TTYH2: variants seen among roughly 807,000 people sequenced by gnomAD.
TTYH2 encodes the protein protein tweety homolog 2.
In TTYH2, 49 loss-of-function variants were observed where a neutral mutation model predicts 68.3. The ratio of observed to expected loss-of-function variants is 0.72; its 90% CI spans 0.57 to 0.91. The LOEUF is 0.91. Among genes scored for constraint, TTYH2 ranks in the 40% least tolerant of loss-of-function variants. TTYH2 has a pLI of 0.00. For synonymous variants in TTYH2, 272 were observed against 300.8 expected (o/e 0.90, Z 0.99); for missense variants, 631 against 700.4 (o/e 0.90, Z 1.12).
In TTYH2 at chr17:74,252,217, C is replaced by T; in HGVS notation, c.1117-17C>T. On this transcript the variant is annotated splice_polypyrimidine_tract_variant and intron_variant, in intron 10 of 13. Coordinates refer to ENST00000269346, the MANE Select transcript of TTYH2 (RefSeq NM_032646.6). ...CCCCGCTCCTTCACTAGCTGCATGT[C>T]CCTCCTCTTCCTCCAGGATTATCTG... 1 of 1,611,344 alleles carries T rather than the reference C, an allele frequency of 6.2e-7. No homozygotes were observed. Among genetic ancestry groups the T allele is most frequent in the South Asian group, 1.1e-5 (1 of 91,076 alleles).
intron 4 of TTYH2, 126 bp from the exon 5 acceptor site, chr17:74,243,248 C>T: frequency 1.3e-6 from 1 of 777,592 alleles, no homozygotes; most frequent in South Asian, 1.6e-5. Context: ...TGCTTGCTGG[C>T]TCTGGGCAGC....
In TTYH2 at chr17:74,249,359, A is replaced by G; in HGVS notation, c.890A>G (p.Tyr297Cys). 6.2e-7 allele frequency: 1 copy of G among 1,613,910 alleles called. No individual in the cohort carries two copies. The highest frequency in any genetic ancestry group is 1.1e-5 in the South Asian group (1 of 91,066). Residue 297 changes from tyrosine (Y) to cysteine (C), a missense_variant, in exon 8 of 14, where the codon TAC becomes TGC. Coordinates refer to ENST00000269346, the MANE Select transcript of TTYH2 (RefSeq NM_032646.6). ...TGCCCTGCAGAGGTGACTCGCTACT[A>G]CCTGTATTGCAGCCAGAGTGGAAGC... ...GQISTEVTRY[Y>C]LYCSQSGSSP...
At chr17:74,254,375 C>CCA (rs1327415122) in intron 13 of TTYH2, among the ~76,000 whole-genome samples, 1 of 152,162 alleles carries the variant, frequency 6.6e-6, no homozygotes, top group Non-Finnish European at 1.5e-5. Context: ...TCCATGATGG[C>CCA]CAGGCTGGTC....
chr17:74,249,514 TC>T, intron 8 of TTYH2, 115 bp downstream of exon 8: 1 of 1,154,240 alleles, frequency 8.7e-7, no homozygotes, highest in South Asian at 1.3e-5. Context: ...CTCACTGTGG[TC>T]CTCTCCTTAG....
chr17:74,231,825 C>G (rs2050392568), intron 3 of TTYH2, among the ~76,000 whole-genome samples: 1 of 152,104 alleles, frequency 6.6e-6, no homozygotes, highest in Non-Finnish European at 1.5e-5. Context: ...GAGGAGGTGT[C>G]AGACTCTTAG....
At chr17:74,251,056 G>GTGTACGTGCGTGTGTC (rs2050618458) in intron 10 of TTYH2, among the ~76,000 whole-genome samples, 1 of 53,048 alleles carries the variant, frequency 1.9e-5, no homozygotes, top group Admixed American at 1.5e-4. Flanking sequence ...GCGTGTGTCT[G>GTGTACGTGCGTGTGTC]TGTGTGTGTG....
intron 6 of TTYH2, chr17:74,247,872 C>CGCGT (rs1261326469): frequency 1.3e-5 from 2 of 151,662 alleles, no homozygotes; most frequent in Non-Finnish European, 2.9e-5. Flanking sequence ...TGTGTGTGTG[C>CGCGT]GCGTGCGTGC....
chr17:74,215,888 G>A lies in TTYH2; in HGVS notation c.129+2172G>A, dbSNP rs1002868609. Among the ~76,000 whole-genome samples, 1 of 152,254 alleles carries A rather than the reference G, an allele frequency of 6.6e-6. No homozygotes were observed. The highest frequency in any genetic ancestry group is 2.4e-5 in the African/African-American group (1 of 41,468). ...TGGTAACCAAGGCAGCAGGTCTTCA[G>A]GAGAAATTGCTGGGGATTTTCTGCG... On this transcript the variant is annotated intron_variant, in intron 1 of 13. Transcript: ENST00000269346. This position sits in a 1 kb window ranked among gnomAD's most constrained non-coding sequence, Gnocchi z 4.3.
intron 12 of TTYH2, 41 bp downstream of exon 12, chr17:74,253,307 G>A (rs745758817): frequency 1.3e-5 from 20 of 1,526,672 alleles, no homozygotes; most frequent in South Asian, 7.7e-5. Context: ...AGCACTGCCC[G>A]GACAGCATGT....
rs1384762032 is a variant in TTYH2 at position 74,237,419 on chromosome 17, CGTT to C, written c.547_549del (p.Val183del). 2.5e-6 allele frequency: 4 copies of C among 1,614,138 alleles called. No homozygotes were observed. Among genetic ancestry groups the C allele is most frequent in the South Asian group, 1.1e-5 (1 of 91,084 alleles). On this transcript the variant is annotated inframe_deletion, in exon 4 of 14. Transcript: ENST00000269346. ...AGTTCATACAGCAGATGGCGGGCAG[CGTT>C]GTTGTTCAGCTCTCAGGACTGCCCG...
At chr17:74,237,260 A>C (rs1424714517) in intron 3 of TTYH2, 34 bp from the exon 4 acceptor site, 1 of 1,604,502 alleles carries the variant, frequency 6.2e-7, no homozygotes, top group Admixed American at 1.7e-5. Context: ...CAGAAGCTCT[A>C]CCTCCATGGC....
At position 74,243,436 on chromosome 17, in the gene TTYH2, G is replaced by C. The variant is rs781102506; in HGVS notation, c.698G>C (p.Gly233Ala). 27 of 1,614,058 alleles carry C rather than the reference G, an allele frequency of 1.7e-5. No homozygotes were observed. Among genetic ancestry groups the C allele is most frequent in the Non-Finnish European group, 2.1e-5 (25 of 1,180,038 alleles). Residue 233 changes from glycine (G) to alanine (A), a missense_variant, in exon 5 of 14, where the codon GGA becomes GCA. Physicochemically the swap from Gly to Ala is moderately conservative, Grantham distance 60. Coordinates refer to ENST00000269346, the MANE Select transcript of TTYH2 (RefSeq NM_032646.6). The stretch of plus-strand genomic sequence containing the variant: ...GTCATCTGCCTCATTGCCTGCCTGG[G>C]ACTGGCCAAGCGCTCCAAGTGTCTC... ...DLVICLIACL[G>A]LAKRSKCLLA...
chr17:74,221,466 A>G (rs1389368047), intron 1 of TTYH2, among the ~76,000 whole-genome samples: 2 of 152,130 alleles, frequency 1.3e-5, no homozygotes, highest in Admixed American at 6.5e-5. Context: ...TCCCTGAAAC[A>G]GGCTTTCCCC....
intron 2 of TTYH2, among the ~76,000 whole-genome samples, chr17:74,224,872 G>GCCTGTAACCTCAGCTACAC (rs1286104266): frequency 6.6e-6 from 1 of 152,120 alleles, no homozygotes; most frequent in Non-Finnish European, 1.5e-5. Flanking sequence ...GGTGGCGAGT[G>GCCTGTAACCTCAGCTACAC]CCTGTAACCT....
chr17:74,260,843 G>C lies in TTYH2; in HGVS notation c.*634G>C, dbSNP rs1176054655. On this transcript the variant is annotated 3_prime_UTR_variant, in exon 14 of 14. Transcript: ENST00000269346. ...GGGGCTGGTGGCTCCGGGGCTGGGG[G>C]ATCACAGGCTGGTGAACCCCGGTGG... is the stretch of plus-strand genomic sequence containing the variant. 1 of 153,938 alleles carries C rather than the reference G, an allele frequency of 6.5e-6. No homozygotes were observed. The allele number at this position is 153,938 out of a possible 1,614,324, so 9.5% of individuals were successfully genotyped here. A position where few individuals can be genotyped will look rare whatever the true frequency, so the allele number is the denominator to read the frequency against.
At position 74,222,428 on chromosome 17, in the gene TTYH2, TC is replaced by T; in HGVS notation, c.130-55del. On this transcript the variant is annotated intron_variant, in intron 1 of 13. Coordinates refer to ENST00000269346, the MANE Select transcript of TTYH2 (RefSeq NM_032646.6). The surrounding 1 kb of genome is among the most constrained non-coding windows in gnomAD (Gnocchi z 5.2). ...ACTCAGGGCCCAAGGGCAGGGCACT[TC>T]CAGAGCCCCGCACTGCAGGGATGAA... 3 of 1,527,918 alleles carry T rather than the reference TC, an allele frequency of 2.0e-6. No individual in the cohort carries two copies. In the Admixed American group the frequency reaches 5.7e-5, roughly 29 times the overall value. 94.6% of individuals were successfully genotyped at this position (1,527,918 alleles called of 1,614,324 possible).
chr17:74,243,942 CCGCCTGCCAACGTTGT>C lies in TTYH2; in HGVS notation c.732-26_732-11del. On this transcript the variant is annotated intron_variant, in intron 5 of 13. Coordinates refer to ENST00000269346, the MANE Select transcript of TTYH2 (RefSeq NM_032646.6). ...GGTGATGGCTGAGAGGAAGGGGACCCCGCCTGCCAACGTTGTCGCCTGCCTCTCTCCTAGGATGCTG... is the reference window on the plus strand; with the variant it reads ...GGTGATGGCTGAGAGGAAGGGGACCCCGCCTGCCTCTCTCCTAGGATGCTG... The C allele has an allele frequency of 6.2e-7, 1 of 1,604,032 alleles. No individual in the cohort carries two copies. Among genetic ancestry groups the C allele is most frequent in the Non-Finnish European group, 8.5e-7 (1 of 1,177,690 alleles).
chr17:74,233,899 G>A (rs1220123691), intron 3 of TTYH2, among the ~76,000 whole-genome samples: 2 of 152,160 alleles, frequency 1.3e-5, no homozygotes, highest in African/African-American at 4.8e-5. Context: ...GCCCTCAGAT[G>A]TAGAAACTGA....
Position 74,244,036 on chromosome 17 carries a change from G to A in TTYH2, c.791G>A (p.Gly264Asp). The change falls in exon 6 of 14, where the codon GGC (glycine) becomes GAC (aspartate). Residue 264 changes from glycine (G) to aspartate (D), a missense_variant. By Grantham distance (94) the Gly-to-Asp change is moderately conservative. Transcript: ENST00000269346. ...AGTTGGGCATCCCTGGCCGCTGATG[G>A]CTCTGCGGCAGTGGTGAGTTGGGGG... ...LLSWASLAAD[G>D]SAAVATSDFC... The A allele has an allele frequency of 6.2e-7, 1 of 1,612,024 alleles. No individual in the cohort carries two copies. Among genetic ancestry groups the A allele is most frequent in the Non-Finnish European group, 8.5e-7 (1 of 1,179,902 alleles).
Sources: allele counts gnomAD v4.1 joint callset (sites outside exome capture counted in the v4.1 genomes callset), GRCh38; gene constraint gnomAD v4.1.1; non-coding constraint Gnocchi (gnomAD v3.1); transcripts MANE v1.5; gene names NCBI Gene and HGNC (gene_info 2026-07-23, HGNC 2026-07-21).